Variants in WNK1 observed in about 807,000 individuals in gnomAD.
The protein encoded by WNK1 is serine/threonine-protein kinase WNK1.
A neutral mutation model predicts 222.8 loss-of-function variants in WNK1; 38 were observed. That is an observed-to-expected ratio of 0.17 (90% CI 0.13 to 0.22). The LOEUF (loss-of-function observed/expected upper bound fraction) is 0.22. Among genes scored for constraint, WNK1 ranks in the 10% least tolerant of loss-of-function variants. The probability of loss-of-function intolerance (pLI) is 1.00; values close to 1 mark genes in which losing one functional copy is unlikely to be tolerated. For synonymous variants in WNK1, 1,090 were observed against 1,092.9 expected (o/e 1.00, Z 0.05); for missense variants, 2,348 against 2,918.4 (o/e 0.80, Z 4.50).
intron 4 of WNK1, 92 bp from the exon 5 acceptor site, chr12:857,069 G>C (rs1259674853): frequency 7.4e-7 from 1 of 1,356,168 alleles, no homozygotes; most frequent in Non-Finnish European, 1.0e-6. Flanking sequence ...GGGATAGTAA[G>C]AAAGGAACCT....
At position 862,291 on chromosome 12, in the gene WNK1, A is replaced by G. The variant is rs199678501; in HGVS notation, c.2139+21A>G. 5.6e-6 allele frequency: 9 copies of G among 1,612,434 alleles called. No homozygotes were observed. The East Asian group carries it at 2.0e-4, about 36-fold the overall frequency. On this transcript the variant is annotated intron_variant, in intron 8 of 27. Coordinates refer to ENST00000315939, the MANE Select transcript of WNK1 (RefSeq NM_018979.4). ...GTGTGGTAAGTAAATGCTTAAGAGC[A>G]TGTAATACTACAATGAGAGCCAATG...
chr12:884,623 T>G lies in WNK1; in HGVS notation c.3845-26T>G. 6.2e-7 allele frequency: 1 copy of G among 1,604,988 alleles called. No individual in the cohort carries two copies. The highest frequency in any genetic ancestry group is 8.5e-7 in the Non-Finnish European group (1 of 1,171,798). On this transcript the variant is annotated intron_variant, in intron 18 of 27. Transcript: ENST00000315939. This position sits in a 1 kb window ranked among gnomAD's most constrained non-coding sequence, Gnocchi z 5.6. ...ATCCATCCTTTTAAAATCAGCTGAT[T>G]CTTATCTTTTTGTATTCCTTTGCAG...
At chr12:857,816 T>C (rs191020136) in intron 5 of WNK1, among the ~76,000 whole-genome samples, 1 of 152,354 alleles carries the variant, frequency 6.6e-6, no homozygotes, top group East Asian at 1.9e-4. Context: ...ATCTGCCATG[T>C]AGCTGATTCA....
chr12:847,979 T>G (rs1490267606), intron 4 of WNK1, among the ~76,000 whole-genome samples: 1 of 152,058 alleles, frequency 6.6e-6, no homozygotes, highest in East Asian at 1.9e-4. Context: ...AGCTAATGTT[T>G]GTGTTTTTAG....
chr12:861,949 A>G (rs878918459), intron 7 of WNK1, 134 bp from the exon 8 acceptor site: 2 of 980,782 alleles, frequency 2.0e-6, no homozygotes, highest in Non-Finnish European at 3.1e-6. Context: ...TTCATTTTTT[A>G]TTTAGTTCAA....
At chr12:754,441 G>A (rs1939663075) in intron 1 of WNK1, 117 bp downstream of exon 1, 2 of 1,323,654 alleles carry the variant, frequency 1.5e-6, no homozygotes, top group Non-Finnish European at 2.2e-6. Context: ...GAGTGGGACG[G>A]GGAGGCCAAC....
intron 1 of WNK1, among the ~76,000 whole-genome samples, chr12:759,711 T>C (rs1353965538): frequency 6.8e-6 from 1 of 148,012 alleles, no homozygotes; most frequent in Middle Eastern, 3.3e-3. Flanking sequence ...AGGCCATTTT[T>C]CTGCCTTGTA....
At chr12:851,461 A>G (rs1950414573) in intron 4 of WNK1, 8 of 1,145,658 alleles carry the variant, frequency 7.0e-6, no homozygotes, top group Non-Finnish European at 8.7e-6. Flanking sequence ...ATATTAACAG[A>G]ATAGTTTTCC....
Position 901,578 on chromosome 12 carries a change from T to G in WNK1, c.6643+908T>G, listed in dbSNP as rs994405805. On this transcript the variant is annotated intron_variant, in intron 26 of 27. Transcript: ENST00000315939. Reference sequence around the variant, plus strand: ...TCTCACAGGCTGTGCGAAGTTTAACTGTGCATCTGAACAGGTGACATTCAA... The same window carrying G: ...TCTCACAGGCTGTGCGAAGTTTAACGGTGCATCTGAACAGGTGACATTCAA... 4 of 1,289,014 alleles carry G rather than the reference T, an allele frequency of 3.1e-6. No homozygotes were observed. In the African/African-American group the frequency reaches 6.1e-5, roughly 20 times the overall value. 79.8% of individuals were successfully genotyped at this position (1,289,014 alleles called of 1,614,324 possible).
intron 2 of WNK1, among the ~76,000 whole-genome samples, chr12:818,489 A>G (rs906411626): frequency 6.6e-6 from 1 of 151,650 alleles, no homozygotes; most frequent in Non-Finnish European, 1.5e-5. Context: ...GGATTTTTTT[A>G]TTGTAAAAAA....
intron 1 of WNK1, among the ~76,000 whole-genome samples, chr12:791,407 T>G (rs1944823888): frequency 6.6e-6 from 1 of 152,116 alleles, no homozygotes; most frequent in South Asian, 2.1e-4. Flanking sequence ...GATCGTAAAG[T>G]GCGGTTATAA....
intron 2 of WNK1, among the ~76,000 whole-genome samples, chr12:822,407 T>C (rs1290643555): frequency 6.6e-6 from 1 of 152,220 alleles, no homozygotes; most frequent in Non-Finnish European, 1.5e-5. Context: ...TATATCACAT[T>C]CCTAGAGACA....
chr12:906,471 T>C (rs1290749124), intron 26 of WNK1: 2 of 985,130 alleles, frequency 2.0e-6, no homozygotes, highest in Non-Finnish European at 2.4e-6. Flanking sequence ...TACATGGGAG[T>C]GCTTGCTGTT....
chr12:885,087 C>A lies in WNK1; in HGVS notation c.4283C>A (p.Ser1428Tyr), dbSNP rs749288056. ...GCAGTTGTCTCAATATCTACTACAT[C>A]CCCGTCACTTCAAGTCCCCACATCC... is the stretch of plus-strand genomic sequence containing the variant. ...IPAVVSISTTSPSLQVPTSTS... is the reference protein window; with the variant it reads ...IPAVVSISTTYPSLQVPTSTS... Residue 1428 changes from serine to tyrosine, a missense_variant, in exon 19 of 28, where the codon TCC (serine) becomes TAC (tyrosine). Coordinates refer to ENST00000315939, the MANE Select transcript of WNK1 (RefSeq NM_018979.4). 6.2e-7 allele frequency: 1 copy of A among 1,614,172 alleles called. No individual in the cohort carries two copies. Among genetic ancestry groups the A allele is most frequent in the Admixed American group, 1.7e-5 (1 of 60,020 alleles).
At chr12:869,159 T>G (rs779288402) in intron 8 of WNK1, 2 of 1,594,250 alleles carry the variant, frequency 1.3e-6, no homozygotes, top group South Asian at 2.2e-5. Flanking sequence ...CACCATAACA[T>G]TTAAATTTTC....
intron 24 of WNK1, among the ~76,000 whole-genome samples, chr12:897,221 C>A (rs1954829283): frequency 6.6e-6 from 1 of 152,066 alleles, no homozygotes; most frequent in South Asian, 2.1e-4. Context: ...TGTGCGTGGC[C>A]TCAAAAGTCA....
intron 4 of WNK1, among the ~76,000 whole-genome samples, chr12:849,516 G>A (rs1950263057): frequency 6.6e-6 from 1 of 152,094 alleles, no homozygotes; most frequent in South Asian, 2.1e-4. Flanking sequence ...ACTTTTATAG[G>A]AGGGAGAAGA....
chr12:859,587 G>A (rs1951034456), intron 6 of WNK1, 123 bp downstream of exon 6: 4 of 663,894 alleles, frequency 6.0e-6, no homozygotes, highest in Non-Finnish European at 9.9e-6. Context: ...AAATTGTGAT[G>A]GCCCTAAAAG....
Position 754,005 on chromosome 12 carries a change from C to A in WNK1, c.440C>A (p.Ala147Asp). 1 of 1,586,338 alleles carries A rather than the reference C, an allele frequency of 6.3e-7. No individual in the cohort carries two copies. The highest frequency in any genetic ancestry group is 8.6e-7 in the Non-Finnish European group (1 of 1,166,812). Residue 147 changes from alanine (A) to aspartate (D), a missense_variant, in exon 1 of 28, where the codon GCC becomes GAC. Transcript: ENST00000315939. ...GCCGCTGCCGCCCCTGGGGAACAGG[C>A]CGTCGCGGGCCCTGCCCCCTCGACT... ...PPAAAAPGEQ[A>D]VAGPAPSTVP... is the part of the protein sequence containing the mutation.
Sources: allele counts gnomAD v4.1 joint callset (sites outside exome capture counted in the v4.1 genomes callset), GRCh38; gene constraint gnomAD v4.1.1; non-coding constraint Gnocchi (gnomAD v3.1); transcripts MANE v1.5; gene names NCBI Gene and HGNC (gene_info 2026-07-23, HGNC 2026-07-21).